The following RORA variants were observed in gnomAD, a reference collection of about 807,000 sequenced individuals.
RORA encodes the protein RAR related orphan receptor A, also known as nuclear receptor ROR-alpha.
In RORA, 7 loss-of-function variants were observed where a neutral mutation model predicts 69.5. The ratio of observed to expected loss-of-function variants is 0.10; its 90% CI spans 0.06 to 0.19. The LOEUF (loss-of-function observed/expected upper bound fraction) is 0.19. RORA is among the 10% of genes least tolerant of loss of function. The pLI is 1.00. For synonymous variants in RORA, 261 were observed against 240.8 expected (o/e 1.08, Z -0.78); for missense variants, 457 against 663.0 (o/e 0.69, Z 3.41).
chr15:61,085,130 A>C (rs2078603871), intron 1 of RORA, among the ~76,000 whole-genome samples: 1 of 152,082 alleles, frequency 6.6e-6, no homozygotes, highest in South Asian at 2.1e-4. Context: ...CCAGGCTTTT[A>C]AACAGAGAGA....
intron 2 of RORA, among the ~76,000 whole-genome samples, chr15:60,561,464 T>TA (rs1269098163): frequency 1.3e-5 from 2 of 151,718 alleles, no homozygotes; most frequent in Non-Finnish European, 2.9e-5. Context: ...AAGAAAGTAA[T>TA]AAAAAAAAGT....
chr15:61,006,844 CTA>C (rs1474000089), intron 1 of RORA, among the ~76,000 whole-genome samples: 3 of 152,080 alleles, frequency 2.0e-5, no homozygotes, highest in African/African-American at 7.2e-5. Flanking sequence ...GAGCTTATTT[CTA>C]TCTCTATTAC....
chr15:61,138,840 T>A (rs1198469075), intron 1 of RORA, among the ~76,000 whole-genome samples: 1 of 151,544 alleles, frequency 6.6e-6, no homozygotes, highest in Non-Finnish European at 1.5e-5. Flanking sequence ...AATAAAAAAA[T>A]AAATTAAATT....
chr15:60,850,471 C>T (rs2073312312), intron 1 of RORA, among the ~76,000 whole-genome samples: 1 of 152,122 alleles, frequency 6.6e-6, no homozygotes, highest in Non-Finnish European at 1.5e-5. Flanking sequence ...GTTACTTGAC[C>T]TCTCTAGACT....
chr15:60,661,704 G>A (rs182304327), intron 2 of RORA, among the ~76,000 whole-genome samples: 2 of 152,264 alleles, frequency 1.3e-5, no homozygotes, highest in East Asian at 3.9e-4. Context: ...GGAAAGCTAC[G>A]GAAGATTTAA....
At chr15:60,731,740 CCA>C (rs1451270228) in intron 1 of RORA, among the ~76,000 whole-genome samples, 2 of 152,212 alleles carry the variant, frequency 1.3e-5, no homozygotes, top group African/African-American at 2.4e-5. Context: ...GCAGCCACTA[CCA>C]GTTGACTGCT....
intron 1 of RORA, among the ~76,000 whole-genome samples, chr15:61,048,326 G>A (rs138530310): frequency 2.6e-5 from 4 of 152,242 alleles, no homozygotes; most frequent in African/African-American, 9.6e-5. Context: ...CCCAGGAAAC[G>A]AGACCTGAAC....
chr15:60,667,340 T>C (rs966018986), intron 2 of RORA, among the ~76,000 whole-genome samples: 2 of 152,152 alleles, frequency 1.3e-5, no homozygotes, highest in Non-Finnish European at 2.9e-5. Context: ...CACTAACAAC[T>C]TTATATGGTT....
rs955527234 is a variant in RORA at position 60,927,137 on chromosome 15, G to A, written c.167-248451C>T. Among the ~76,000 whole-genome samples the A allele has an allele frequency of 6.6e-5, 10 of 152,186 alleles. No homozygotes were observed. In the East Asian group the frequency reaches 7.7e-4, roughly 12 times the overall value. ...GAAATGAATTTCTAAGCAGGTGCAC[G>A]CTAGTCACACACATCCTTCCCACCT... is the stretch of plus-strand genomic sequence containing the variant. On this transcript the variant is annotated intron_variant, in intron 1 of 10. Transcript: ENST00000335670.
chr15:60,669,171 A>C (rs983084884), intron 2 of RORA, among the ~76,000 whole-genome samples: 1 of 152,222 alleles, frequency 6.6e-6, no homozygotes, highest in African/African-American at 2.4e-5. Context: ...GTATTTTTCA[A>C]GTTTCACTGC....
chr15:60,541,735 A>G (rs1173704581), intron 2 of RORA, among the ~76,000 whole-genome samples: 2 of 151,854 alleles, frequency 1.3e-5, no homozygotes, highest in East Asian at 1.9e-4. Context: ...TGCACACACT[A>G]TAACACCTCA....
intron 2 of RORA, among the ~76,000 whole-genome samples, chr15:60,625,364 C>T (rs935530571): frequency 6.6e-6 from 1 of 152,158 alleles, no homozygotes; most frequent in African/African-American, 2.4e-5. Flanking sequence ...TTGGTGGCCA[C>T]ATAAACTGGC....
chr15:60,616,759 C>T (rs1242829735), intron 2 of RORA, among the ~76,000 whole-genome samples: 5 of 152,186 alleles, frequency 3.3e-5, no homozygotes, highest in African/African-American at 4.8e-5. Flanking sequence ...ATCATACCTG[C>T]GTTCTGTGGT....
At chr15:61,059,056 C>G (rs1316669928) in intron 1 of RORA, among the ~76,000 whole-genome samples, 2 of 152,220 alleles carry the variant, frequency 1.3e-5, no homozygotes, top group African/African-American at 2.4e-5. Flanking sequence ...TGCCGTTCCT[C>G]TAATAGTGCA....
chr15:61,184,410 C>T (rs2079719090), intron 1 of RORA, among the ~76,000 whole-genome samples: 1 of 152,148 alleles, frequency 6.6e-6, no homozygotes, highest in African/African-American at 2.4e-5. Flanking sequence ...AATTTCCCCC[C>T]TAAGATAAGT....
chr15:60,499,755 A>C (rs2290430), intron 10 of RORA, 137 bp downstream of exon 10: 47,086 of 534,268 alleles, frequency 0.088, 2,235 homozygotes, highest in Middle Eastern at 0.11. Flanking sequence ...TGAAATGGAA[A>C]TTTATTTCTT....
At chr15:60,686,671 T>C (rs1001432261) in intron 1 of RORA, 2 of 152,220 alleles carry the variant, frequency 1.3e-5, no homozygotes, top group African/African-American at 4.8e-5. Context: ...AATGCTTTAC[T>C]TTATGTGCCT....
chr15:60,902,493 C>G (rs1354489814), intron 1 of RORA, among the ~76,000 whole-genome samples: 1 of 152,172 alleles, frequency 6.6e-6, no homozygotes, highest in African/African-American at 2.4e-5. Flanking sequence ...CTTGCAGGTT[C>G]ACTGTTCTGC....
chr15:60,727,333 T>G (rs938572564), intron 1 of RORA, among the ~76,000 whole-genome samples: 3 of 152,128 alleles, frequency 2.0e-5, no homozygotes, highest in African/African-American at 7.2e-5. Context: ...CCCACTGAAT[T>G]CCCAACATAC....
Sources: gnomAD v4.1 joint callset for allele counts (sites outside exome capture counted in the v4.1 genomes callset) on GRCh38, gnomAD v4.1.1 for gene constraint, MANE v1.5 for transcripts, NCBI Gene and HGNC (gene_info 2026-07-23, HGNC 2026-07-21) for gene names.